Variants in TRIM71 observed in about 807,000 individuals in gnomAD.
TRIM71 encodes the protein tripartite motif containing 71.
Under a neutral mutation model 61.2 loss-of-function variants are expected in TRIM71, and 9 were observed. The ratio of observed to expected loss-of-function variants is 0.15; its 90% CI spans 0.09 to 0.26. The LOEUF (loss-of-function observed/expected upper bound fraction) is 0.26. TRIM71 is among the 10% of genes least tolerant of loss of function. The pLI is 1.00. For missense variants in TRIM71, 998 were observed against 1,238.7 expected, an observed-to-expected ratio of 0.81 and a Z score of 2.92; for synonymous variants, 645 against 553.2, an observed-to-expected ratio of 1.17 and a Z score of -2.33.
At chr3:32,858,039 T>C (rs900462051) in intron 1 of TRIM71, among the ~76,000 whole-genome samples, 3 of 152,158 alleles carry the variant, frequency 2.0e-5, no homozygotes, top group African/African-American at 7.2e-5. Flanking sequence ...TAGATCATTA[T>C]AAAGGTCTTC....
chr3:32,856,239 G>A (rs1424166668), intron 1 of TRIM71, among the ~76,000 whole-genome samples: 2 of 152,038 alleles, frequency 1.3e-5, no homozygotes, highest in African/African-American at 2.4e-5. Flanking sequence ...GGATGGTCTC[G>A]ATCTCCTGAC....
rs189995251 is a variant in TRIM71 at position 32,861,320 on chromosome 3, G to A, written c.853-12498G>A. On this transcript the variant is annotated intron_variant, in intron 1 of 3. Coordinates refer to ENST00000383763, the MANE Select transcript of TRIM71 (RefSeq NM_001039111.3). The stretch of plus-strand genomic sequence containing the variant: ...GCCTCCTGAGTAGCTGGGATTACAG[G>A]CATGCTTCACAATGTTGGCCAGGCT... Among the ~76,000 whole-genome samples, 5 of 151,256 alleles carry A rather than the reference G, an allele frequency of 3.3e-5. No individual in the cohort carries two copies. In the East Asian group the frequency reaches 1.0e-3, roughly 32 times the overall value.
chr3:32,819,632 G>A (rs1298239553), intron 1 of TRIM71, among the ~76,000 whole-genome samples: 1 of 152,118 alleles, frequency 6.6e-6, no homozygotes, highest in African/African-American at 2.4e-5. Context: ...GCGTGTTCTG[G>A]CCCCTGAATT....
intron 1 of TRIM71, among the ~76,000 whole-genome samples, chr3:32,860,457 C>T (rs953873310): frequency 1.3e-5 from 2 of 152,120 alleles, no homozygotes; most frequent in Admixed American, 6.6e-5. Context: ...CACCTGACCC[C>T]TCACACCTTT....
In TRIM71 at chr3:32,818,662, C is replaced by T. The variant is rs1696090845; in HGVS notation, c.582C>T (p.Arg194=). The T allele has an allele frequency of 7.9e-6, 12 of 1,516,782 alleles. No individual in the cohort carries two copies. Among genetic ancestry groups the T allele is most frequent in the East Asian group, 2.6e-5 (1 of 37,764 alleles). 94.0% of individuals were successfully genotyped at this position (1,516,782 alleles called of 1,614,324 possible). Residue 194 remains arginine, a synonymous_variant, in exon 1 of 4, where the codon CGC becomes CGT. Transcript: ENST00000383763. The part of the protein sequence containing the change: ...PAASPSALLL[R]RPHGCSSCDE... ...CTTCCCCGTCGGCGCTGCTGCTCCG[C>T]CGTCCTCACGGCTGCAGCTCGTGCG...
At chr3:32,882,162 T>C (rs1696915535) in intron 2 of TRIM71, among the ~76,000 whole-genome samples, 1 of 151,964 alleles carries the variant, frequency 6.6e-6, no homozygotes, top group African/African-American at 2.4e-5. Context: ...GTTTTGCTCT[T>C]GTAGCCCAGG....
At chr3:32,849,707 G>T (rs917102637) in intron 1 of TRIM71, among the ~76,000 whole-genome samples, 2 of 152,214 alleles carry the variant, frequency 1.3e-5, no homozygotes, top group African/African-American at 4.8e-5. Flanking sequence ...GTTTTACCAG[G>T]TAAACAAGCC....
At chr3:32,885,531 G>T (rs975206239) in intron 2 of TRIM71, among the ~76,000 whole-genome samples, 2 of 152,168 alleles carry the variant, frequency 1.3e-5, no homozygotes, top group African/African-American at 4.8e-5. Context: ...CCTGGCCTGC[G>T]GGGTTTCGCC....
At chr3:32,856,835 G>T (rs1374829703) in intron 1 of TRIM71, among the ~76,000 whole-genome samples, 1 of 152,206 alleles carries the variant, frequency 6.6e-6, no homozygotes, top group African/African-American at 2.4e-5. Context: ...ACCCTTACGG[G>T]CTCATGACCA....
chr3:32,861,713 G>C (rs1489307399), intron 1 of TRIM71, among the ~76,000 whole-genome samples: 1 of 152,156 alleles, frequency 6.6e-6, no homozygotes, highest in Admixed American at 6.5e-5. Flanking sequence ...TGGAATGTCG[G>C]GGGGAAGATG....
At chr3:32,833,295 TAATTTCTATGAAAACTGACTGG>T (rs1263200888) in intron 1 of TRIM71, among the ~76,000 whole-genome samples, 2 of 150,822 alleles carry the variant, frequency 1.3e-5, no homozygotes, top group Non-Finnish European at 2.9e-5. Flanking sequence ...CAGAATATCG[TAATTTCTATGAAAACTGACTGG>T]AATTTCTATG....
rs755134362 is a variant in TRIM71 at position 32,873,829 on chromosome 3, G to T, written c.864G>T (p.Leu288=). 25 of 1,598,754 alleles carry T rather than the reference G, an allele frequency of 1.6e-5. No individual in the cohort carries two copies. Among genetic ancestry groups the T allele is most frequent in the Non-Finnish European group, 8.5e-6 (10 of 1,170,406 alleles). The change falls in exon 2 of 4, where the codon CTG becomes CTT. Residue 288 remains leucine (L), a synonymous_variant. Transcript: ENST00000383763. ...CQHHDDEVLH[L]YCDTCSVPIC... ...TCTCTTGTCCCCAGGTGCTGCACCT[G>T]TACTGTGACACTTGCTCTGTACCCA...
At chr3:32,864,094 A>G (rs1696703961) in intron 1 of TRIM71, among the ~76,000 whole-genome samples, 1 of 152,002 alleles carries the variant, frequency 6.6e-6, no homozygotes, top group African/African-American at 2.4e-5. Flanking sequence ...TGATTGAGGC[A>G]GGGTTTCTGT....
chr3:32,849,575 T>C (rs1377263752), intron 1 of TRIM71, among the ~76,000 whole-genome samples: 7 of 152,064 alleles, frequency 4.6e-5, no homozygotes, highest in Non-Finnish European at 1.5e-5. Context: ...GCTGGGCTGG[T>C]CTCGAACTCC....
At chr3:32,873,043 G>T (rs1383176440) in intron 1 of TRIM71, among the ~76,000 whole-genome samples, 4 of 145,322 alleles carry the variant, frequency 2.8e-5, no homozygotes, top group Admixed American at 2.1e-4. Context: ...GGTAAAGGTT[G>T]TGCCAGCCCT....
chr3:32,820,276 G>A (rs149551979), intron 1 of TRIM71, among the ~76,000 whole-genome samples: 39 of 152,362 alleles, frequency 2.6e-4, no homozygotes, highest in African/African-American at 8.9e-4. Flanking sequence ...ATTTGGGGAG[G>A]AGGGCGGAGC....
Position 32,893,735 on chromosome 3 carries a change from A to G in TRIM71, c.*1924A>G. ...AAAAGGAGATGATGGGGACAGTGTGACAAGTCAATCAAGTTGCTTTTCCCG... is the reference window on the plus strand; with the variant it reads ...AAAAGGAGATGATGGGGACAGTGTGGCAAGTCAATCAAGTTGCTTTTCCCG... On this transcript the variant is annotated 3_prime_UTR_variant, in exon 4 of 4. Transcript: ENST00000383763. The G allele has an allele frequency of 6.6e-6, 1 of 152,174 alleles. No individual in the cohort carries two copies. Among genetic ancestry groups the G allele is most frequent in the Non-Finnish European group, 1.5e-5 (1 of 68,032 alleles). 9.4% of individuals were successfully genotyped at this position (152,174 alleles called of 1,614,324 possible).
chr3:32,884,260 G>T (rs182168692), intron 2 of TRIM71, among the ~76,000 whole-genome samples: 1 of 152,288 alleles, frequency 6.6e-6, no homozygotes, highest in Admixed American at 6.5e-5. Flanking sequence ...TTCCATGGGT[G>T]TTTTTGGGGC....
At chr3:32,882,360 G>A (rs958956683) in intron 2 of TRIM71, among the ~76,000 whole-genome samples, 6 of 152,122 alleles carry the variant, frequency 3.9e-5, no homozygotes, top group African/African-American at 1.4e-4. Context: ...GACACCAGTT[G>A]TGCTAATTAA....
Sources: gnomAD v4.1 joint callset for allele counts (sites outside exome capture counted in the v4.1 genomes callset) on GRCh38, gnomAD v4.1.1 for gene constraint, MANE v1.5 for transcripts, NCBI Gene and HGNC (gene_info 2026-07-23, HGNC 2026-07-21) for gene names.